Variants in FSTL5 observed in about 807,000 individuals in gnomAD.
FSTL5 encodes the protein follistatin like 5.
In FSTL5, 62 loss-of-function variants were observed where a neutral mutation model predicts 89.1. The ratio of observed to expected loss-of-function variants is 0.70; its 90% CI spans 0.57 to 0.86. FSTL5 has a LOEUF of 0.86. Among genes scored for constraint, FSTL5 ranks in the 40% least tolerant of loss-of-function variants. The pLI is 0.00. For missense variants in FSTL5, 1,057 were observed against 1,001.6 expected (o/e 1.06, Z -0.75); for synonymous variants, 383 against 346.2 (o/e 1.11, Z -1.18).
At chr4:161,825,380 T>G (rs1207907752) in intron 4 of FSTL5, among the ~76,000 whole-genome samples, 2 of 152,176 alleles carry the variant, frequency 1.3e-5, no homozygotes, top group African/African-American at 4.8e-5. Context: ...TTCCTGGTTT[T>G]GGTATTAGGG....
intron 8 of FSTL5, among the ~76,000 whole-genome samples, chr4:161,551,405 T>A (rs925574005): frequency 2.6e-5 from 4 of 151,620 alleles, no homozygotes; most frequent in Non-Finnish European, 5.9e-5. Context: ...TCTGTTCATG[T>A]CCTTTGTCCA....
intron 3 of FSTL5, among the ~76,000 whole-genome samples, chr4:162,008,548 G>A (rs1736675190): frequency 6.6e-6 from 1 of 151,782 alleles, no homozygotes; most frequent in Non-Finnish European, 1.5e-5. Context: ...CCATTCTCCT[G>A]AGGCAGCTGA....
chr4:161,553,813 T>C (rs1474661195), intron 8 of FSTL5, among the ~76,000 whole-genome samples: 1 of 151,582 alleles, frequency 6.6e-6, no homozygotes, highest in East Asian at 1.9e-4. Flanking sequence ...AGTGCATTTA[T>C]AGTATTTCAG....
chr4:161,655,431 C>T lies in FSTL5; in HGVS notation c.894+897G>A, dbSNP rs556141980. Among the ~76,000 whole-genome samples, 5 of 152,198 alleles carry T rather than the reference C, an allele frequency of 3.3e-5. No homozygotes were observed. In the South Asian group the frequency reaches 8.3e-4, roughly 25 times the overall value. On this transcript the variant is annotated intron_variant, in intron 7 of 15. Coordinates refer to ENST00000306100, the MANE Select transcript of FSTL5 (RefSeq NM_020116.5). ...CCCAGATTGACCAATCAGAGTATTA[C>T]ATTCTTGTACTTACTGTAATTATTT...
chr4:161,513,272 G>GGGGAGAGAGAGA, intron 10 of FSTL5, among the ~76,000 whole-genome samples: 1 of 109,978 alleles, frequency 9.1e-6, no homozygotes. Context: ...ACAAGGAGGG[G>GGGGAGAGAGAGA]GAGAGAGAGA....
At chr4:161,621,305 C>A (rs1371245865) in intron 7 of FSTL5, among the ~76,000 whole-genome samples, 1 of 139,008 alleles carries the variant, frequency 7.2e-6, no homozygotes. Flanking sequence ...CACACACACA[C>A]AAACACAAAA....
chr4:162,160,166 T>G (rs1733640036), intron 1 of FSTL5, among the ~76,000 whole-genome samples: 1 of 151,836 alleles, frequency 6.6e-6, no homozygotes, highest in South Asian at 2.1e-4. Flanking sequence ...ATTCTAATTG[T>G]CTCAATTACT....
intron 3 of FSTL5, among the ~76,000 whole-genome samples, chr4:162,027,987 C>T (rs1737364566): frequency 6.6e-6 from 1 of 152,072 alleles, no homozygotes; most frequent in Admixed American, 6.6e-5. Context: ...TGTCCTCTCA[C>T]ATTCTTTTAC....
chr4:162,027,317 T>G (rs1737332676), intron 3 of FSTL5, among the ~76,000 whole-genome samples: 1 of 152,104 alleles, frequency 6.6e-6, no homozygotes, highest in Non-Finnish European at 1.5e-5. Context: ...TAGAGAGGTA[T>G]TTACTTAATT....
chr4:161,401,587 C>T (rs1431806837), intron 15 of FSTL5, among the ~76,000 whole-genome samples: 7 of 152,186 alleles, frequency 4.6e-5, no homozygotes, highest in South Asian at 2.1e-4. Flanking sequence ...TGCAGTGGCG[C>T]GATCTCAGCT....
intron 4 of FSTL5, among the ~76,000 whole-genome samples, chr4:161,902,652 C>T (rs1212828991): frequency 6.6e-6 from 1 of 152,030 alleles, no homozygotes; most frequent in East Asian, 1.9e-4. Context: ...TCGAGACCAT[C>T]CTGGCTAACA....
intron 1 of FSTL5, among the ~76,000 whole-genome samples, chr4:162,153,559 T>C (rs1345034577): frequency 6.8e-6 from 1 of 147,504 alleles, no homozygotes; most frequent in Non-Finnish European, 1.5e-5. Flanking sequence ...AATATATTTA[T>C]TGAACTAATT....
chr4:161,835,163 T>G (rs1243898201), intron 4 of FSTL5, among the ~76,000 whole-genome samples: 3 of 151,140 alleles, frequency 2.0e-5, no homozygotes, highest in Non-Finnish European at 4.4e-5. Flanking sequence ...TCTACAACTA[T>G]CTGATCTTTG....
At chr4:161,494,208 C>G (rs1257880887) in intron 12 of FSTL5, among the ~76,000 whole-genome samples, 1 of 152,006 alleles carries the variant, frequency 6.6e-6, no homozygotes, top group East Asian at 1.9e-4. Context: ...CACTGTATAA[C>G]TCTCTGTAAG....
At chr4:161,893,549 A>G (rs1448894674) in intron 4 of FSTL5, among the ~76,000 whole-genome samples, 2 of 152,228 alleles carry the variant, frequency 1.3e-5, no homozygotes, top group East Asian at 3.9e-4. Context: ...ACTATTTCCA[A>G]TCAAACAGAA....
chr4:161,702,752 T>C (rs984345123), intron 6 of FSTL5, among the ~76,000 whole-genome samples: 1 of 152,114 alleles, frequency 6.6e-6, no homozygotes, highest in Non-Finnish European at 1.5e-5. Context: ...TTGACTTCAC[T>C]TATTGCTGAG....
chr4:161,959,903 A>G (rs1735124938), intron 3 of FSTL5, among the ~76,000 whole-genome samples: 1 of 152,134 alleles, frequency 6.6e-6, no homozygotes, highest in African/African-American at 2.4e-5. Context: ...AGCAGTTTGC[A>G]CAAAAGACCA....
At chr4:161,970,143 A>G (rs970327596) in intron 3 of FSTL5, among the ~76,000 whole-genome samples, 3 of 152,144 alleles carry the variant, frequency 2.0e-5, no homozygotes, top group African/African-American at 7.2e-5. Context: ...AGGAAAAAAG[A>G]GTGAAATTAA....
At chr4:161,396,121 T>TA (rs11417337) in intron 15 of FSTL5, among the ~76,000 whole-genome samples, 44,713 of 144,740 alleles carry the variant, frequency 0.31, 7,104 homozygotes, top group Middle Eastern at 0.46. Context: ...TCATTGATCA[T>TA]AAAAAAAAAA....
Sources: gnomAD v4.1 joint callset for allele counts (sites outside exome capture counted in the v4.1 genomes callset) on GRCh38, gnomAD v4.1.1 for gene constraint, MANE v1.5 for transcripts, NCBI Gene and HGNC (gene_info 2026-07-23, HGNC 2026-07-21) for gene names.